SRSF11: variants seen among roughly 807,000 people sequenced by gnomAD.
The protein encoded by SRSF11 is serine and arginine rich splicing factor 11.
In SRSF11, 9 loss-of-function variants were observed where a neutral mutation model predicts 56.0. That is an observed-to-expected ratio of 0.16 (90% CI 0.10 to 0.28). The LOEUF (loss-of-function observed/expected upper bound fraction) is 0.28. Ranked by LOEUF, SRSF11 falls within the 10% of genes least tolerant of loss-of-function variation. The pLI is 1.00. For missense variants in SRSF11, 421 were observed against 600.7 expected (o/e 0.70, Z 3.13); for synonymous variants, 222 against 215.3 (o/e 1.03, Z -0.27).
intron 2 of SRSF11, chr1:70,229,627 C>A: frequency 6.1e-6 from 6 of 983,936 alleles, no homozygotes; most frequent in Non-Finnish European, 7.2e-6. Context: ...AAATGCTTTC[C>A]CCTTTCCTTA....
At chr1:70,222,040 G>C (rs1371478160) in intron 1 of SRSF11, among the ~76,000 whole-genome samples, 2 of 152,146 alleles carry the variant, frequency 1.3e-5, no homozygotes, top group Admixed American at 6.5e-5. Context: ...TTTGGAATTA[G>C]GAAACACTGG....
Position 70,232,416 on chromosome 1 carries a change from A to T in SRSF11, c.447+39A>T, listed in dbSNP as rs558238123. The T allele has an allele frequency of 7.3e-5, 110 of 1,506,268 alleles. 2 individuals are homozygous for T. In the South Asian group the frequency reaches 1.3e-3, roughly 18 times the overall value. The allele number at this position is 1,506,268 out of a possible 1,614,324, so 93.3% of individuals were successfully genotyped here. ...TGAATTCTTAAAGGGTGGGGAAAAA[A>T]ACAGAATTGTGCATAAAGCTAAACA... is the stretch of plus-strand genomic sequence containing the variant. On this transcript the variant is annotated intron_variant, in intron 3 of 11. Transcript: ENST00000370949.
chr1:70,249,846 C>A, intron 9 of SRSF11, 106 bp from the exon 10 acceptor site: 1 of 1,202,204 alleles, frequency 8.3e-7, no homozygotes, highest in Non-Finnish European at 1.2e-6. Context: ...AGGCATGAGC[C>A]ACTACATCTG....
At chr1:70,234,506 A>G (rs2100783198) in intron 3 of SRSF11, among the ~76,000 whole-genome samples, 190 bp from the exon 4 acceptor site, 1 of 152,222 alleles carries the variant, frequency 6.6e-6, no homozygotes, top group East Asian at 1.9e-4. Context: ...TTGTTTAGGT[A>G]TCGTCTCTGG....
chr1:70,238,922 A>G (rs1674706995), intron 6 of SRSF11, among the ~76,000 whole-genome samples: 1 of 152,222 alleles, frequency 6.6e-6, no homozygotes. Context: ...TGGATCTACC[A>G]AAAGCTTGGA....
chr1:70,230,858 C>T (rs1243306372), intron 2 of SRSF11: 1 of 1,176,200 alleles, frequency 8.5e-7, no homozygotes, highest in African/African-American at 1.6e-5. Flanking sequence ...AAAATTATCC[C>T]ATAATCTTTG....
At chr1:70,220,327 T>G (rs1004079107), upstream of SRSF11, among the ~76,000 whole-genome samples, 3 of 152,188 alleles carry the variant, frequency 2.0e-5, no homozygotes, top group Non-Finnish European at 4.4e-5. Context: ...TTTGTCATGT[T>G]TGGGGCACTA....
intron 1 of SRSF11, 122 bp downstream of exon 1, chr1:70,221,961 T>C: frequency 6.8e-7 from 1 of 1,463,002 alleles, no homozygotes. Context: ...GGCTGGTGGC[T>C]GGTGGATTTA....
At chr1:70,223,020 C>T (rs1670996642) in intron 1 of SRSF11, among the ~76,000 whole-genome samples, 1 of 152,106 alleles carries the variant, frequency 6.6e-6, no homozygotes, top group East Asian at 1.9e-4. Context: ...GGAACAAACA[C>T]GTAAATCTTT....
chr1:70,223,359 G>A (rs956049147), intron 1 of SRSF11, among the ~76,000 whole-genome samples: 2 of 152,212 alleles, frequency 1.3e-5, no homozygotes, highest in Non-Finnish European at 2.9e-5. Context: ...AAAGGTAAGA[G>A]AGATGTAGGC....
chr1:70,206,804 T>C (rs1571525406), intron 1 of SRSF11, among the ~76,000 whole-genome samples: 1 of 152,218 alleles, frequency 6.6e-6, no homozygotes, highest in East Asian at 1.9e-4. Flanking sequence ...TTCTTATTTC[T>C]GTGGAGTCCT....
intron 2 of SRSF11, chr1:70,230,102 T>C (rs2100723342): frequency 1.0e-6 from 1 of 984,012 alleles, no homozygotes; most frequent in Non-Finnish European, 1.2e-6. Flanking sequence ...AATTTTTTAT[T>C]GGCTAAGTAT....
intron 1 of SRSF11, among the ~76,000 whole-genome samples, chr1:70,222,562 T>C (rs1212902227): frequency 2.0e-5 from 3 of 152,158 alleles, no homozygotes; most frequent in Non-Finnish European, 2.9e-5. Flanking sequence ...CGCAAGAATA[T>C]TAAGTGGATG....
intron 1 of SRSF11, among the ~76,000 whole-genome samples, chr1:70,210,701 C>T (rs943108794): frequency 6.6e-6 from 1 of 152,018 alleles, no homozygotes; most frequent in Non-Finnish European, 1.5e-5. Context: ...GACAACAGAG[C>T]GAGACCCTGT....
At position 70,252,906 on chromosome 1, in the gene SRSF11, C is replaced by T. The variant is rs953684277; in HGVS notation, c.*2101C>T. 1 of 152,136 alleles carries T rather than the reference C, an allele frequency of 6.6e-6. No homozygotes were observed. The highest frequency in any genetic ancestry group is 1.5e-5 in the Non-Finnish European group (1 of 68,034). The allele number at this position is 152,136 out of a possible 1,614,324, so 9.4% of individuals were successfully genotyped here. ...TCTTAGGATATTTATTTTCAGTGAA[C>T]ATTTTCTGCACAAAGGTAGTGTTGC... On this transcript the variant is annotated 3_prime_UTR_variant, in exon 12 of 12. Transcript: ENST00000370949.
chr1:70,238,381 C>G lies in SRSF11; in HGVS notation c.718+829C>G, dbSNP rs74088026. 8.2e-3 allele frequency among the ~76,000 whole-genome samples: 1,252 copies of G among 152,054 alleles called. 17 individuals are homozygous for G. The highest frequency in any genetic ancestry group is 0.029 in the African/African-American group (1,195 of 41,462). ...TTTCTTTATGAACTGATGTTTTTACCAATATTTTTATGAATTTATTATAAT... is the reference window on the plus strand; with the variant it reads ...TTTCTTTATGAACTGATGTTTTTACGAATATTTTTATGAATTTATTATAAT... On this transcript the variant is annotated intron_variant, in intron 6 of 11. Transcript: ENST00000370949.
chr1:70,220,177 C>T (rs1670395381), upstream of SRSF11, among the ~76,000 whole-genome samples: 1 of 152,170 alleles, frequency 6.6e-6, no homozygotes, highest in East Asian at 1.9e-4. Context: ...CATGTATCTT[C>T]TGTTACTTAG....
At chr1:70,235,843 A>G (rs1032305270) in intron 5 of SRSF11, among the ~76,000 whole-genome samples, 2 of 152,246 alleles carry the variant, frequency 1.3e-5, no homozygotes, top group Non-Finnish European at 2.9e-5. Flanking sequence ...CTGAGTCCTG[A>G]GGATAGTAGG....
chr1:70,231,884 TC>T, intron 2 of SRSF11: 1 of 1,512,414 alleles, frequency 6.6e-7, no homozygotes, highest in Non-Finnish European at 8.8e-7. Context: ...GAGTCGTTGT[TC>T]ATAAAACAGC....
Sources: allele counts gnomAD v4.1 joint callset (sites outside exome capture counted in the v4.1 genomes callset), GRCh38; gene constraint gnomAD v4.1.1; transcripts MANE v1.5; gene names NCBI Gene and HGNC (gene_info 2026-07-23, HGNC 2026-07-21).